SLIT3: variants seen among roughly 807,000 people sequenced by gnomAD.
The protein encoded by SLIT3 is slit homolog 3 protein.
Under a neutral mutation model 184.0 loss-of-function variants are expected in SLIT3, and 68 were observed. The observed-to-expected ratio is 0.37, with a 90% CI of 0.30 to 0.45. The LOEUF is 0.45. SLIT3 is among the 20% of genes least tolerant of loss of function. SLIT3 has a pLI of 1.00. For synonymous variants in SLIT3, 831 were observed against 828.6 expected, an observed-to-expected ratio of 1.00 and a Z score of -0.05; for missense variants, 1,707 against 2,026.0, an observed-to-expected ratio of 0.84 and a Z score of 3.02.
intron 4 of SLIT3, among the ~76,000 whole-genome samples, chr5:168,977,680 G>A (rs537130722): frequency 5.9e-5 from 9 of 152,138 alleles, no homozygotes; most frequent in Non-Finnish European, 1.2e-4. Context: ...TGATCTGCAA[G>A]CCTTGTTTTT....
chr5:168,824,093 C>A (rs72827673), intron 6 of SLIT3, among the ~76,000 whole-genome samples: 20,178 of 152,118 alleles, frequency 0.13, 1,430 homozygotes, highest in African/African-American at 0.18. Flanking sequence ...GAATTACAGG[C>A]GCCTGACTAA....
At chr5:169,204,163 C>T (rs900514431) in intron 3 of SLIT3, among the ~76,000 whole-genome samples, 6 of 151,800 alleles carry the variant, frequency 4.0e-5, no homozygotes, top group Admixed American at 1.3e-4. Context: ...TTGTGAAGGC[C>T]AAGTGAAGGG....
intron 6 of SLIT3, among the ~76,000 whole-genome samples, chr5:168,833,424 A>T (rs1249869416): frequency 6.6e-6 from 1 of 152,134 alleles, no homozygotes; most frequent in Non-Finnish European, 1.5e-5. Flanking sequence ...TCCAGTGCTT[A>T]CTCAACGGGT....
chr5:168,829,518 A>G (rs1561955639), intron 6 of SLIT3, among the ~76,000 whole-genome samples: 1 of 152,202 alleles, frequency 6.6e-6, no homozygotes, highest in Non-Finnish European at 1.5e-5. Context: ...AGTCTACATA[A>G]GCAAGCTGGT....
chr5:169,052,828 C>G (rs117969080), intron 4 of SLIT3, among the ~76,000 whole-genome samples: 2 of 152,216 alleles, frequency 1.3e-5, no homozygotes, highest in Admixed American at 6.5e-5. Context: ...TCACCTCTGT[C>G]TGGTGCCTGC....
chr5:169,142,253 A>G (rs1761774071), intron 4 of SLIT3, among the ~76,000 whole-genome samples: 2 of 152,176 alleles, frequency 1.3e-5, no homozygotes, highest in African/African-American at 4.8e-5. Context: ...TTAATAAAAC[A>G]GAATCCGTTA....
chr5:168,774,505 G>T, intron 12 of SLIT3, 127 bp from the exon 13 acceptor site: 1 of 1,016,380 alleles, frequency 9.8e-7, no homozygotes, highest in Non-Finnish European at 1.5e-6. Flanking sequence ...AGCTCCTGCT[G>T]CAGAACAGAA....
chr5:168,933,797 T>C (rs186526915), intron 4 of SLIT3, among the ~76,000 whole-genome samples: 41 of 152,266 alleles, frequency 2.7e-4, no homozygotes, highest in African/African-American at 9.1e-4. Context: ...TGGATTTTTA[T>C]TGAATAAGCA....
chr5:168,959,662 G>C (rs761374428), intron 4 of SLIT3, among the ~76,000 whole-genome samples: 1 of 152,124 alleles, frequency 6.6e-6, no homozygotes, highest in Non-Finnish European at 1.5e-5. Context: ...AGTGACGTGG[G>C]AAGAGGGCGT....
chr5:168,884,544 T>C (rs1411674482), intron 4 of SLIT3, among the ~76,000 whole-genome samples: 2 of 16,294 alleles, frequency 1.2e-4, no homozygotes, highest in Non-Finnish European at 2.2e-4. Flanking sequence ...TGCTACCAAT[T>C]ACGAGATATA....
At chr5:169,059,211 A>C (rs1463471803) in intron 4 of SLIT3, among the ~76,000 whole-genome samples, 2 of 152,204 alleles carry the variant, frequency 1.3e-5, no homozygotes, top group South Asian at 4.1e-4. Flanking sequence ...TGTGAAGACC[A>C]AAAGAGAAGA....
intron 3 of SLIT3, among the ~76,000 whole-genome samples, chr5:169,225,663 G>C (rs1356869715): frequency 2.0e-5 from 3 of 152,216 alleles, no homozygotes; most frequent in Non-Finnish European, 1.5e-5. Context: ...CGGAGGAAGT[G>C]ACTGTTTTGA....
At chr5:169,287,187 T>C (rs548899068) in intron 1 of SLIT3, among the ~76,000 whole-genome samples, 1 of 152,138 alleles carries the variant, frequency 6.6e-6, no homozygotes, top group Non-Finnish European at 1.5e-5. Flanking sequence ...CAACTGGCCT[T>C]CCCATTTTTG....
At chr5:168,680,293 C>A (rs1761547084) in intron 32 of SLIT3, among the ~76,000 whole-genome samples, 1 of 152,256 alleles carries the variant, frequency 6.6e-6, no homozygotes, top group African/African-American at 2.4e-5. Context: ...CATTCTGGGG[C>A]AAGGAGGGGC....
chr5:169,104,394 C>T (rs926148106), intron 4 of SLIT3, among the ~76,000 whole-genome samples: 32 of 152,206 alleles, frequency 2.1e-4, no homozygotes, highest in Non-Finnish European at 4.3e-4. Context: ...TTCCAATTTC[C>T]TCTTGTATAT....
At chr5:168,998,850 C>A (rs542847499) in intron 4 of SLIT3, among the ~76,000 whole-genome samples, 2 of 152,154 alleles carry the variant, frequency 1.3e-5, no homozygotes, top group African/African-American at 4.8e-5. Flanking sequence ...GGGCCCTACC[C>A]CAGTCCCACT....
At chr5:169,082,581 T>C (rs530529562) in intron 4 of SLIT3, among the ~76,000 whole-genome samples, 1 of 152,344 alleles carries the variant, frequency 6.6e-6, no homozygotes, top group East Asian at 1.9e-4. Flanking sequence ...TATGTGTGTG[T>C]GTGTCTCTCT....
intron 3 of SLIT3, among the ~76,000 whole-genome samples, chr5:169,242,793 C>T (rs991314876): frequency 6.6e-6 from 1 of 152,226 alleles, no homozygotes; most frequent in African/African-American, 2.4e-5. Flanking sequence ...TCCTCTGCAA[C>T]TGTAATCCAT....
rs370694888 is a variant in SLIT3, at chr5:168,840,159, A to T, written c.557+4425T>A. Among the ~76,000 whole-genome samples the T allele has an allele frequency of 5.9e-5, 9 of 152,278 alleles. No homozygotes were observed. In the East Asian group the frequency reaches 1.7e-3, roughly 29 times the overall value. On this transcript the variant is annotated intron_variant, in intron 6 of 35. Coordinates refer to ENST00000519560, the MANE Select transcript of SLIT3 (RefSeq NM_003062.4). ...GCCGGTTATCTATGGACCTGTTGGG[A>T]TCTCCATGCCATTTACCTGGCACCA...
Sources: gnomAD v4.1 joint callset for allele counts (sites outside exome capture counted in the v4.1 genomes callset) on GRCh38, gnomAD v4.1.1 for gene constraint, MANE v1.5 for transcripts, NCBI Gene and HGNC (gene_info 2026-07-23, HGNC 2026-07-21) for gene names.